The following ANKS1B variants were observed in gnomAD, a reference collection of about 807,000 sequenced individuals.
ANKS1B encodes the protein ankyrin repeat and sterile alpha motif domain containing 1B.
Under a neutral mutation model 148.3 loss-of-function variants are expected in ANKS1B, and 36 were observed. The observed-to-expected ratio is 0.24, with a 90% CI of 0.19 to 0.32. The LOEUF (loss-of-function observed/expected upper bound fraction) is 0.32. Among genes scored for constraint, ANKS1B ranks in the 10% least tolerant of loss-of-function variants. The pLI is 1.00. For missense variants in ANKS1B, 1,157 were observed against 1,542.6 expected (o/e 0.75, Z 4.19); for synonymous variants, 542 against 560.8 (o/e 0.97, Z 0.47).
chr12:99,212,868 C>T (rs986536841), intron 14 of ANKS1B, among the ~76,000 whole-genome samples: 2 of 152,188 alleles, frequency 1.3e-5, no homozygotes, highest in African/African-American at 2.4e-5. Flanking sequence ...AATCACTTCA[C>T]ATTCATATCC....
At chr12:99,538,413 C>T (rs1238121404) in intron 9 of ANKS1B, among the ~76,000 whole-genome samples, 1 of 151,976 alleles carries the variant, frequency 6.6e-6, no homozygotes, top group African/African-American at 2.4e-5. Context: ...TTCCATTTTT[C>T]TGTGTCCTCT....
intron 12 of ANKS1B, among the ~76,000 whole-genome samples, chr12:99,341,727 G>T (rs1407393660): frequency 2.0e-5 from 3 of 152,048 alleles, no homozygotes; most frequent in Admixed American, 1.3e-4. Flanking sequence ...GGTAAGTACT[G>T]TAAGTAGGTA....
At chr12:99,122,421 A>G (rs1048411936) in intron 15 of ANKS1B, among the ~76,000 whole-genome samples, 18 of 152,202 alleles carry the variant, frequency 1.2e-4, no homozygotes, top group African/African-American at 4.3e-4. Flanking sequence ...TGGTTTTTAC[A>G]TGAATCTTCA....
At chr12:99,667,414 T>C (rs1198908872) in intron 8 of ANKS1B, among the ~76,000 whole-genome samples, 1 of 150,956 alleles carries the variant, frequency 6.6e-6, no homozygotes, top group African/African-American at 2.5e-5. Context: ...TAGTTCCTCA[T>C]GTAAAAAAAA....
chr12:99,528,549 T>G (rs2096954498), intron 9 of ANKS1B, among the ~76,000 whole-genome samples: 1 of 151,414 alleles, frequency 6.6e-6, no homozygotes, highest in East Asian at 1.9e-4. Flanking sequence ...TATAAAAAAC[T>G]TTTAAAAAAT....
At chr12:98,765,390 A>G (rs2098466912) in intron 25 of ANKS1B, among the ~76,000 whole-genome samples, 2 of 151,674 alleles carry the variant, frequency 1.3e-5, no homozygotes, top group Admixed American at 1.3e-4. Flanking sequence ...CAGCCTCCCA[A>G]GTAGCTGGGA....
chr12:99,030,541 C>T (rs554549425), intron 17 of ANKS1B, among the ~76,000 whole-genome samples: 10 of 151,578 alleles, frequency 6.6e-5, no homozygotes, highest in Admixed American at 5.3e-4. Context: ...ACATGCAGTA[C>T]GGTACCTCCT....
intron 11 of ANKS1B, among the ~76,000 whole-genome samples, chr12:99,424,570 G>A (rs1295857958): frequency 6.6e-6 from 1 of 151,416 alleles, no homozygotes; most frequent in East Asian, 1.9e-4. Context: ...AAACAATCTG[G>A]ATTTTATGTG....
intron 12 of ANKS1B, among the ~76,000 whole-genome samples, chr12:99,340,488 T>A (rs1241983107): frequency 6.6e-6 from 1 of 152,008 alleles, no homozygotes; most frequent in African/African-American, 2.4e-5. Context: ...AAAACAAACA[T>A]CAAAGAGTGT....
intron 12 of ANKS1B, among the ~76,000 whole-genome samples, chr12:99,257,116 C>A (rs978883624): frequency 1.3e-5 from 2 of 151,856 alleles, no homozygotes; most frequent in African/African-American, 4.8e-5. Flanking sequence ...TTGTGGCGGG[C>A]GCCTGTAGTC....
intron 9 of ANKS1B, among the ~76,000 whole-genome samples, chr12:99,602,239 A>C (rs974568275): frequency 2.0e-4 from 30 of 152,096 alleles, no homozygotes; most frequent in Admixed American, 2.0e-4. Flanking sequence ...ACAGTAAAAA[A>C]ATTGGGTTGT....
chr12:98,774,756 C>A (rs1411066132), intron 24 of ANKS1B, among the ~76,000 whole-genome samples: 1 of 152,214 alleles, frequency 6.6e-6, no homozygotes, highest in Admixed American at 6.5e-5. Context: ...ATGTCCCTCA[C>A]TTTACCAAGC....
chr12:99,225,576 C>T (rs1020629530), intron 14 of ANKS1B, among the ~76,000 whole-genome samples: 2 of 152,136 alleles, frequency 1.3e-5, no homozygotes, highest in Non-Finnish European at 2.9e-5. Context: ...ACGATCTAAT[C>T]AGCTGCCAGC....
At chr12:99,675,560 A>G (rs904174030) in intron 8 of ANKS1B, among the ~76,000 whole-genome samples, 3 of 151,858 alleles carry the variant, frequency 2.0e-5, no homozygotes, top group African/African-American at 7.2e-5. Flanking sequence ...ATTTTTTAAT[A>G]CTTTTCTGAA....
chr12:99,082,469 G>C (rs1234633315), intron 16 of ANKS1B, among the ~76,000 whole-genome samples: 1 of 152,076 alleles, frequency 6.6e-6, no homozygotes, highest in East Asian at 1.9e-4. Flanking sequence ...TAAGTGGGAA[G>C]GAAATTCACT....
In ANKS1B at chr12:99,317,634, T is replaced by C. The variant is rs540110006; in HGVS notation, c.1757-70770A>G. ...ACAGGGGCAATATGACTTCCTCTTT[T>C]CCTAATTGAATACCCTTTATTTCTT... On this transcript the variant is annotated intron_variant, in intron 12 of 26. Transcript: ENST00000683438. 1.5e-3 allele frequency among the ~76,000 whole-genome samples: 229 copies of C among 152,318 alleles called. 1 individual carries two copies. The highest frequency in any genetic ancestry group is 5.0e-3 in the African/African-American group (206 of 41,560).
At chr12:99,300,729 C>G (rs2081480321) in intron 12 of ANKS1B, among the ~76,000 whole-genome samples, 1 of 152,078 alleles carries the variant, frequency 6.6e-6, no homozygotes. Context: ...TTTGCTTATT[C>G]TTTCTATGGT....
chr12:98,796,931 A>G (rs2153576036), intron 22 of ANKS1B, among the ~76,000 whole-genome samples: 1 of 152,332 alleles, frequency 6.6e-6, no homozygotes, highest in East Asian at 1.9e-4. Context: ...TGAGATTCAA[A>G]TCATACATCT....
At chr12:99,134,751 C>T (rs1453678349) in intron 15 of ANKS1B, among the ~76,000 whole-genome samples, 2 of 150,784 alleles carry the variant, frequency 1.3e-5, no homozygotes, top group African/African-American at 4.9e-5. Context: ...GGCTAACTCT[C>T]TAAAGACATT....
Sources: gnomAD v4.1 joint callset for allele counts (sites outside exome capture counted in the v4.1 genomes callset) on GRCh38, gnomAD v4.1.1 for gene constraint, MANE v1.5 for transcripts, NCBI Gene and HGNC (gene_info 2026-07-23, HGNC 2026-07-21) for gene names.